The following MAGI1 variants were observed in gnomAD, a reference collection of about 807,000 sequenced individuals.
MAGI1 encodes membrane associated guanylate kinase, WW and PDZ domain containing 1, also known as membrane-associated guanylate kinase, WW and PDZ domain-containing protein 1.
Under a neutral mutation model 139.9 loss-of-function variants are expected in MAGI1, and 58 were observed. That is an observed-to-expected ratio of 0.41 (90% CI 0.34 to 0.52). The LOEUF (loss-of-function observed/expected upper bound fraction) is 0.52. MAGI1 is among the 20% of genes least tolerant of loss of function. The pLI is 0.12. For synonymous variants in MAGI1, 812 were observed against 737.9 expected, an observed-to-expected ratio of 1.10 and a Z score of -1.63; for missense variants, 1,874 against 1,901.6, an observed-to-expected ratio of 0.99 and a Z score of 0.27.
intron 1 of MAGI1, among the ~76,000 whole-genome samples, chr3:65,699,961 T>C (rs1249413712): frequency 6.6e-6 from 1 of 151,286 alleles, no homozygotes; most frequent in Non-Finnish European, 1.5e-5. Flanking sequence ...TCAAAAACTC[T>C]GAAGGTAGGG....
At chr3:66,001,275 T>A (rs2066724147) in intron 1 of MAGI1, among the ~76,000 whole-genome samples, 2 of 152,086 alleles carry the variant, frequency 1.3e-5, no homozygotes, top group Admixed American at 1.3e-4. Flanking sequence ...AGAACTCACC[T>A]CAGTGAGGTT....
At chr3:65,381,434 T>C (rs543340464) in intron 16 of MAGI1, among the ~76,000 whole-genome samples, 18 of 151,784 alleles carry the variant, frequency 1.2e-4, no homozygotes, top group African/African-American at 4.4e-4. Context: ...AAAAAAAAAA[T>C]CTTGGTTTAA....
At chr3:66,003,877 A>G (rs550862281) in intron 1 of MAGI1, 8 of 152,294 alleles carry the variant, frequency 5.3e-5, no homozygotes, top group Admixed American at 3.9e-4. Flanking sequence ...GTAGAGAAAG[A>G]ACAAAGAAAT....
intron 1 of MAGI1, among the ~76,000 whole-genome samples, chr3:65,910,855 CTT>C (rs397989928): frequency 8.4e-5 from 5 of 59,484 alleles, no homozygotes; most frequent in Admixed American, 6.2e-4. Context: ...ACATGGTGGA[CTT>C]TTTTTTTTTT....
chr3:65,759,737 A>G (rs1312833039), intron 1 of MAGI1, among the ~76,000 whole-genome samples: 1 of 152,214 alleles, frequency 6.6e-6, no homozygotes, highest in Non-Finnish European at 1.5e-5. Context: ...TGCTGGGACT[A>G]ACAAGTTTGT....
intron 2 of MAGI1, among the ~76,000 whole-genome samples, chr3:65,569,020 T>A (rs1465673900): frequency 1.3e-5 from 2 of 152,210 alleles, no homozygotes; most frequent in African/African-American, 2.4e-5. Flanking sequence ...AAATTCTTTT[T>A]AAAAATAACT....
chr3:65,989,057 G>A (rs963857677), intron 1 of MAGI1, among the ~76,000 whole-genome samples: 2 of 152,182 alleles, frequency 1.3e-5, no homozygotes, highest in Admixed American at 6.6e-5. Flanking sequence ...GAAGGACAGA[G>A]CCAAGAACCT....
chr3:65,978,008 C>T (rs2065352328), intron 1 of MAGI1, among the ~76,000 whole-genome samples: 1 of 152,134 alleles, frequency 6.6e-6, no homozygotes, highest in Non-Finnish European at 1.5e-5. Flanking sequence ...TATTGCATTA[C>T]CCATTATCTC....
chr3:65,710,686 T>G (rs540568512), intron 1 of MAGI1, among the ~76,000 whole-genome samples: 51 of 152,178 alleles, frequency 3.4e-4, no homozygotes, highest in Non-Finnish European at 6.0e-4. Context: ...GATACAGTGA[T>G]TCTCATTCCA....
intron 1 of MAGI1, among the ~76,000 whole-genome samples, chr3:65,807,635 T>C (rs916543513): frequency 2.6e-5 from 4 of 152,172 alleles, no homozygotes; most frequent in Admixed American, 6.5e-5. Flanking sequence ...GAGAGTGCTC[T>C]GGGAACCCAG....
At chr3:65,631,967 G>A (rs768350467) in intron 1 of MAGI1, among the ~76,000 whole-genome samples, 1 of 151,460 alleles carries the variant, frequency 6.6e-6, no homozygotes, top group Non-Finnish European at 1.5e-5. Flanking sequence ...AGAGGTTGCA[G>A]TGAGCCAAGA....
intron 12 of MAGI1, among the ~76,000 whole-genome samples, chr3:65,419,987 C>T (rs1428600517): frequency 2.0e-5 from 3 of 152,056 alleles, no homozygotes; most frequent in Admixed American, 1.3e-4. Flanking sequence ...TGTCCCAAGT[C>T]CCCCACTGCC....
chr3:65,816,295 C>T (rs1055215107), intron 1 of MAGI1, among the ~76,000 whole-genome samples: 3 of 151,848 alleles, frequency 2.0e-5, no homozygotes, highest in Non-Finnish European at 4.4e-5. Context: ...AAAAAAAACA[C>T]TTTCAGTGAT....
chr3:65,704,147 T>C (rs1435090395), intron 1 of MAGI1, among the ~76,000 whole-genome samples: 1 of 152,194 alleles, frequency 6.6e-6, no homozygotes, highest in African/African-American at 2.4e-5. Flanking sequence ...AAGACCATCC[T>C]ACAACATCCT....
At chr3:65,423,121 T>C (rs1946751211) in intron 12 of MAGI1, among the ~76,000 whole-genome samples, 1 of 152,122 alleles carries the variant, frequency 6.6e-6, no homozygotes, top group Non-Finnish European at 1.5e-5. Context: ...GATGGGAACA[T>C]ATAGGACCCC....
intron 1 of MAGI1, among the ~76,000 whole-genome samples, chr3:65,795,181 C>A (rs533176211): frequency 6.6e-6 from 1 of 152,180 alleles, no homozygotes; most frequent in Non-Finnish European, 1.5e-5. Flanking sequence ...TTCAAACACA[C>A]AAAAACATTT....
At chr3:65,384,780 G>T (rs1283457689) in intron 14 of MAGI1, among the ~76,000 whole-genome samples, 2 of 147,932 alleles carry the variant, frequency 1.4e-5, no homozygotes, top group East Asian at 4.0e-4. Context: ...TATAGGAAGG[G>T]GTGTGTGTGT....
At chr3:65,625,373 C>T (rs543326871) in intron 1 of MAGI1, among the ~76,000 whole-genome samples, 1 of 152,276 alleles carries the variant, frequency 6.6e-6, no homozygotes, top group South Asian at 2.1e-4. Context: ...TTGCGTAGTT[C>T]TCTCTTTAGA....
intron 5 of MAGI1, among the ~76,000 whole-genome samples, chr3:65,456,044 G>T (rs144216070): frequency 1.3e-5 from 2 of 152,292 alleles, no homozygotes; most frequent in East Asian, 3.9e-4. Context: ...AAATGATCAC[G>T]TGTGTCGTTG....
Sources: allele counts gnomAD v4.1 joint callset (sites outside exome capture counted in the v4.1 genomes callset), GRCh38; gene constraint gnomAD v4.1.1; transcripts MANE v1.5; gene names NCBI Gene and HGNC (gene_info 2026-07-23, HGNC 2026-07-21).